Variants in SAMMSON observed in about 807,000 individuals in gnomAD.
SAMMSON encodes survival associated mitochondrial melanoma specific oncogenic non-coding RNA, also known as long intergenic non-protein coding RNA 1212.
chr3:70,169,344 C>T (rs530031079), intron 4 of SAMMSON, among the ~76,000 whole-genome samples: 1 of 152,062 alleles, frequency 6.6e-6, no homozygotes, highest in Non-Finnish European at 1.5e-5. Flanking sequence ...ATCAAAAAAG[C>T]ATATGACGTT....
intron 7 of SAMMSON, among the ~76,000 whole-genome samples, chr3:70,342,797 T>C (rs1427594074): frequency 6.6e-6 from 1 of 152,204 alleles, no homozygotes; most frequent in Non-Finnish European, 1.5e-5. Flanking sequence ...TTATGTTTCT[T>C]TTTGTCTAGG....
At chr3:70,191,062 A>G (rs570661362) in intron 4 of SAMMSON, among the ~76,000 whole-genome samples, 1 of 152,296 alleles carries the variant, frequency 6.6e-6, no homozygotes, top group Non-Finnish European at 1.5e-5. Context: ...TACTGAGAGG[A>G]TCTTCTTCTA....
intron 9 of SAMMSON, among the ~76,000 whole-genome samples, chr3:70,385,486 A>G (rs908235756): frequency 4.6e-5 from 7 of 152,054 alleles, no homozygotes; most frequent in Non-Finnish European, 7.4e-5. Flanking sequence ...TATTCATTCA[A>G]TATAAATTGA....
intron 4 of SAMMSON, among the ~76,000 whole-genome samples, chr3:70,189,762 A>C (rs532003673): frequency 5.7e-4 from 86 of 150,402 alleles, no homozygotes; most frequent in Non-Finnish European, 1.1e-3. Flanking sequence ...TTAAAACATA[A>C]AATGCTTTAC....
At chr3:70,052,808 A>C (rs1382407012) in intron 3 of SAMMSON, among the ~76,000 whole-genome samples, 3 of 152,114 alleles carry the variant, frequency 2.0e-5, no homozygotes, top group African/African-American at 7.2e-5. Flanking sequence ...AGAGGTTGGG[A>C]GAATGTAGGG....
intron 6 of SAMMSON, among the ~76,000 whole-genome samples, chr3:70,261,889 G>A (rs116589117): frequency 0.035 from 5,354 of 152,144 alleles, 328 homozygotes; most frequent in African/African-American, 0.12. Flanking sequence ...AAGAAGATCC[G>A]GGGCTGAAAT....
intron 7 of SAMMSON, among the ~76,000 whole-genome samples, chr3:70,344,092 T>C (rs1212010442): frequency 3.9e-5 from 6 of 152,018 alleles, no homozygotes; most frequent in African/African-American, 1.4e-4. Flanking sequence ...AGGGAAATAC[T>C]GGGTAGAAGA....
At chr3:70,302,393 A>G (rs1365465137) in intron 7 of SAMMSON, among the ~76,000 whole-genome samples, 1 of 152,164 alleles carries the variant, frequency 6.6e-6, no homozygotes, top group Admixed American at 6.5e-5. Flanking sequence ...ATCTCTTTGT[A>G]GAATTTACTA....
At chr3:70,434,508 G>A (rs1701443168) in intron 2 of SAMMSON, among the ~76,000 whole-genome samples, 2 of 152,120 alleles carry the variant, frequency 1.3e-5, no homozygotes, top group Non-Finnish European at 2.9e-5. Context: ...TTAGTTCCAG[G>A]AAGTTTTTTG....
intron 7 of SAMMSON, among the ~76,000 whole-genome samples, chr3:70,306,564 G>A (rs1165343906): frequency 6.6e-6 from 1 of 151,990 alleles, no homozygotes; most frequent in Non-Finnish European, 1.5e-5. Context: ...CTTGTTTATT[G>A]CCCATTCCCC....
At chr3:70,299,415 A>T (rs4302352) in intron 7 of SAMMSON, among the ~76,000 whole-genome samples, 31,564 of 152,036 alleles carry the variant, frequency 0.21, 3,481 homozygotes, top group South Asian at 0.28. Context: ...CCATTTTCAT[A>T]TTCTAATTTT....
chr3:70,097,991 T>A (rs1315494300), intron 4 of SAMMSON, among the ~76,000 whole-genome samples: 1 of 152,192 alleles, frequency 6.6e-6, no homozygotes, highest in Admixed American at 6.5e-5. Flanking sequence ...GAGCAAGGGG[T>A]TGAAAGGTTA....
chr3:70,198,178 A>G (rs1052177998), intron 4 of SAMMSON, among the ~76,000 whole-genome samples: 2 of 152,166 alleles, frequency 1.3e-5, no homozygotes, highest in African/African-American at 4.8e-5. Context: ...AAGATTATTG[A>G]TGATTGAAAG....
At chr3:70,051,659 T>C (rs2067146728) in intron 3 of SAMMSON, among the ~76,000 whole-genome samples, 1 of 151,848 alleles carries the variant, frequency 6.6e-6, no homozygotes, top group Non-Finnish European at 1.5e-5. Context: ...ATAACTAGCA[T>C]CTTTTTGTAC....
intron 2 of SAMMSON, among the ~76,000 whole-genome samples, chr3:70,418,534 G>T (rs1701283379): frequency 6.6e-6 from 1 of 152,152 alleles, no homozygotes; most frequent in Non-Finnish European, 1.5e-5. Flanking sequence ...TGCGGCATCT[G>T]CACATCCCAA....
intron 4 of SAMMSON, among the ~76,000 whole-genome samples, chr3:70,134,036 G>A (rs2067494692): frequency 6.9e-6 from 1 of 145,292 alleles, no homozygotes; most frequent in African/African-American, 2.6e-5. Flanking sequence ...GAGGCCAGGA[G>A]TTCGAGACCT....
intron 4 of SAMMSON, among the ~76,000 whole-genome samples, chr3:70,169,814 C>A (rs2067654703): frequency 6.6e-6 from 1 of 151,720 alleles, no homozygotes. Flanking sequence ...AGGAACAGAG[C>A]ACCGAGGGTC....
intron 4 of SAMMSON, among the ~76,000 whole-genome samples, chr3:70,190,409 C>T (rs749241685): frequency 9.2e-5 from 14 of 152,180 alleles, no homozygotes; most frequent in Non-Finnish European, 1.5e-4. Context: ...TGCTATTCTT[C>T]AGTGATTTTT....
chr3:70,183,874 G>A (rs143423082), intron 4 of SAMMSON: 4 of 152,336 alleles, frequency 2.6e-5, no homozygotes, highest in African/African-American at 7.2e-5. Context: ...ATAGAGGAGA[G>A]AGCAAGTTGC....
Sources: gnomAD v4.1 joint callset for allele counts (sites outside exome capture counted in the v4.1 genomes callset) on GRCh38, gnomAD v4.1.1 for gene constraint, MANE v1.5 for transcripts, NCBI Gene and HGNC (gene_info 2026-07-23, HGNC 2026-07-21) for gene names.